BCOR: variants seen among roughly 807,000 people sequenced by gnomAD.
BCOR encodes the protein BCL6 corepressor, also known as BCL-6 corepressor.
Under a neutral mutation model 86.7 loss-of-function variants are expected in BCOR, and 10 were observed. That is an observed-to-expected ratio of 0.12 (90% confidence interval 0.07 to 0.20). The LOEUF is 0.20. Among genes scored for constraint, BCOR ranks in the 10% least tolerant of loss-of-function variants. BCOR has a pLI of 1.00. For synonymous variants in BCOR, 611 were observed against 609.0 expected, an observed-to-expected ratio of 1.00 and a Z score of -0.05; for missense variants, 1,259 against 1,452.1, an observed-to-expected ratio of 0.87 and a Z score of 2.16.
rs1167871110 is a variant in BCOR at position 40,072,830 on chromosome X, T to C, written c.2516A>G (p.Lys839Arg). 8.3e-7 allele frequency: 1 copy of C among 1,211,741 alleles called. No individual in the cohort carries two copies. Residue 839 changes from lysine (K) to arginine (R), a missense_variant, in exon 4 of 15, where the codon AAG becomes AGG. Physicochemically the swap from Lys to Arg is conservative, Grantham distance 26. Around this residue, in one of 7 missense-constraint regions of BCOR, gnomAD observed 534 missense variants for 594.8 expected, o/e 0.90. Coordinates refer to ENST00000378444, the MANE Select transcript of BCOR (RefSeq NM_001123385.2). The part of the protein sequence containing the change: ...ESVGQSAEPP[K>R]PSVEPALQQH... ...CTGCAGGGCCGGCTCAACTGAGGGC[T>C]TGGGGGGCTCAGCGCTCTGGCCAAC...
In BCOR at chrX:40,121,144, G is replaced by C. The variant is rs1013330523; in HGVS notation, c.-40-43175C>G. On this transcript the variant is annotated intron_variant, in intron 1 of 14. Coordinates refer to the BCOR transcript ENST00000342274. ...GGTTGATCCTGCAGCCAGAGCGAGG[G>C]TGCTCCAGTGGCTTTCACTATTGAG... Among the ~76,000 whole-genome samples, 5 of 111,545 alleles carry C rather than the reference G, an allele frequency of 4.5e-5. No homozygotes were observed. The Admixed American group carries it at 4.8e-4, about 11-fold the overall frequency.
intron 1 of BCOR, among the ~76,000 whole-genome samples, chrX:40,113,782 A>ATGAAGTAT (rs1392337154): frequency 9.0e-6 from 1 of 111,208 alleles, no homozygotes; most frequent in Admixed American, 9.5e-5. Flanking sequence ...TAAACAATAA[A>ATGAAGTAT]TGAAGTATTG....
chrX:40,055,622 G>A, intron 11 of BCOR, 109 bp from the exon 12 acceptor site: 1 of 884,977 alleles, frequency 1.1e-6, no homozygotes, highest in East Asian at 3.2e-5. Context: ...TGCACCTTGG[G>A]TACTGAGCCT....
chrX:40,126,214 C>CAAAAAAA (rs753237058), intron 1 of BCOR, among the ~76,000 whole-genome samples: 1 of 35,119 alleles, frequency 2.8e-5, no homozygotes, highest in Non-Finnish European at 5.3e-5. Context: ...GACTCCGTCT[C>CAAAAAAA]AAAAAAAAAA....
At chrX:40,123,251 A>G (rs748574588) in intron 1 of BCOR, among the ~76,000 whole-genome samples, 1 of 111,358 alleles carries the variant, frequency 9.0e-6, no homozygotes, top group Non-Finnish European at 1.9e-5. Flanking sequence ...GTGCAGTGGC[A>G]GGGAGTGAGA....
chrX:40,165,310 C>T (rs1330039618), intron 1 of BCOR, among the ~76,000 whole-genome samples: 1 of 111,878 alleles, frequency 8.9e-6, no homozygotes, highest in African/African-American at 3.3e-5. Context: ...AGAGGATGAA[C>T]CCGCCAAAAA....
chrX:40,164,003 G>A (rs1252420633), intron 1 of BCOR, among the ~76,000 whole-genome samples: 9 of 105,363 alleles, frequency 8.5e-5, no homozygotes, highest in Non-Finnish European at 1.7e-4. Context: ...CAGCCTGGGC[G>A]ACAGAGCAAG....
intron 10 of BCOR, among the ~76,000 whole-genome samples, chrX:40,058,436 G>A (rs191816252): frequency 1.8e-5 from 2 of 111,673 alleles, no homozygotes; most frequent in Non-Finnish European, 3.8e-5. Context: ...CTTGGCAAGG[G>A]GGGAGCTTGA....
intron 1 of BCOR, among the ~76,000 whole-genome samples, chrX:40,140,152 G>A (rs763683404): frequency 1.8e-5 from 2 of 109,424 alleles, no homozygotes; most frequent in South Asian, 8.0e-4. Flanking sequence ...CAGACCTTTG[G>A]CTTAAAAAAT....
chrX:40,077,738 CTT>C, intron 2 of BCOR, 104 bp downstream of exon 2: 1 of 749,911 alleles, frequency 1.3e-6, no homozygotes, highest in African/African-American at 2.1e-5. Flanking sequence ...GCGGGAAGCT[CTT>C]TCTCTCCCAC....
chrX:40,176,813 C>A (rs1178212634), intron 1 of BCOR, among the ~76,000 whole-genome samples: 4 of 111,961 alleles, frequency 3.6e-5, no homozygotes, highest in African/African-American at 1.3e-4. Context: ...CCCGGCTCCC[C>A]CGCCAGCTGC....
At chrX:40,104,145 C>A (rs1414508579) in intron 1 of BCOR, among the ~76,000 whole-genome samples, 2 of 111,281 alleles carry the variant, frequency 1.8e-5, no homozygotes, top group African/African-American at 6.6e-5. Flanking sequence ...TATCCTGTAT[C>A]CAACCCAAGC....
At chrX:40,111,691 TA>T (rs769727854) in intron 1 of BCOR, among the ~76,000 whole-genome samples, 8 of 112,142 alleles carry the variant, frequency 7.1e-5, no homozygotes, top group East Asian at 2.8e-4. Context: ...AAAAACAAAA[TA>T]GGGGGGAATA....
At chrX:40,124,846 G>A (rs1165585540) in intron 1 of BCOR, among the ~76,000 whole-genome samples, 5 of 110,956 alleles carry the variant, frequency 4.5e-5, no homozygotes, top group Non-Finnish European at 9.4e-5. Context: ...CAAAGTGCTA[G>A]GATTACAGGG....
chrX:40,116,619 G>A (rs1234827987), intron 1 of BCOR, among the ~76,000 whole-genome samples: 1 of 111,789 alleles, frequency 8.9e-6, no homozygotes, highest in Non-Finnish European at 1.9e-5. Flanking sequence ...CATTCCCAAA[G>A]CCCAGACTTA....
At chrX:40,122,908 G>T (rs989525440) in intron 1 of BCOR, among the ~76,000 whole-genome samples, 1 of 111,548 alleles carries the variant, frequency 9.0e-6, no homozygotes, top group African/African-American at 3.3e-5. Context: ...TCACACTGTC[G>T]CTACCCACCA....
chrX:40,131,795 AG>A (rs1937605305), intron 1 of BCOR, among the ~76,000 whole-genome samples: 1 of 111,532 alleles, frequency 9.0e-6, no homozygotes, highest in South Asian at 3.8e-4. Context: ...TAGAAGGAGG[AG>A]GGGAACTCAT....
At chrX:40,070,902 C>G (rs1258687350) in intron 6 of BCOR, 71 bp downstream of exon 6, 26 of 1,043,023 alleles carry the variant, frequency 2.5e-5, no homozygotes, top group African/African-American at 3.7e-5. Context: ...ATGGCAAAAG[C>G]AGCCCATTTC....
At chrX:40,176,881 C>G (rs1329412334) in intron 1 of BCOR, 2 of 111,671 alleles carry the variant, frequency 1.8e-5, no homozygotes, top group Non-Finnish European at 3.8e-5. Flanking sequence ...CTGCCTGTTC[C>G]GGGGCACAAA....
Sources: allele counts gnomAD v4.1 joint callset (sites outside exome capture counted in the v4.1 genomes callset), GRCh38; gene constraint gnomAD v4.1.1; regional missense constraint gnomAD v4.1.1; transcripts MANE v1.5; gene names NCBI Gene and HGNC (gene_info 2026-07-23, HGNC 2026-07-21).